OPCML: variants seen among roughly 807,000 people sequenced by gnomAD.
The protein encoded by OPCML is opioid binding protein/cell adhesion molecule like.
Under a neutral mutation model 37.8 loss-of-function variants are expected in OPCML, and 13 were observed. The ratio of observed to expected loss-of-function variants is 0.34; its 90% CI spans 0.22 to 0.55. OPCML has a LOEUF of 0.55. Among genes scored for constraint, OPCML ranks in the 20% least tolerant of loss-of-function variants. OPCML has a pLI of 0.91. For missense variants in OPCML, 341 were observed against 435.6 expected (o/e 0.78, Z 1.93); for synonymous variants, 176 against 168.8 (o/e 1.04, Z -0.33).
chr11:133,403,371 C>T (rs1409489451), intron 1 of OPCML, among the ~76,000 whole-genome samples: 1 of 152,186 alleles, frequency 6.6e-6, no homozygotes, highest in Non-Finnish European at 1.5e-5. Flanking sequence ...CACAACAGGC[C>T]ATTTGATAAA....
intron 1 of OPCML, among the ~76,000 whole-genome samples, chr11:133,449,190 T>C (rs565560960): frequency 2.6e-5 from 4 of 152,346 alleles, no homozygotes; most frequent in African/African-American, 9.6e-5. Context: ...TACCTCTCTG[T>C]AGCACTAGGA....
intron 2 of OPCML, among the ~76,000 whole-genome samples, chr11:132,905,342 A>G (rs1476134357): frequency 6.9e-6 from 1 of 145,580 alleles, no homozygotes; most frequent in Non-Finnish European, 1.5e-5. Flanking sequence ...AGCAATTCTC[A>G]TGCCTCAGCC....
chr11:132,840,366 A>G (rs1032244661), intron 2 of OPCML, among the ~76,000 whole-genome samples: 1 of 152,210 alleles, frequency 6.6e-6, no homozygotes, highest in African/African-American at 2.4e-5. Context: ...GCAGCAGCTG[A>G]CGGGGCCCCA....
At chr11:133,241,851 T>C (rs1015408224) in intron 1 of OPCML, among the ~76,000 whole-genome samples, 5 of 152,216 alleles carry the variant, frequency 3.3e-5, no homozygotes, top group African/African-American at 1.2e-4. Context: ...CTTCCACGCA[T>C]GTATTTTTCA....
At chr11:132,825,275 A>G (rs1415165491) in intron 2 of OPCML, among the ~76,000 whole-genome samples, 1 of 152,020 alleles carries the variant, frequency 6.6e-6, no homozygotes, top group African/African-American at 2.4e-5. Context: ...TAACTTCCTA[A>G]CTATATATGA....
intron 1 of OPCML, among the ~76,000 whole-genome samples, chr11:133,412,516 G>A (rs556984180): frequency 2.0e-5 from 3 of 152,304 alleles, no homozygotes; most frequent in African/African-American, 7.2e-5. Flanking sequence ...TCAACCTCAT[G>A]ATAGCTATTC....
At chr11:133,196,733 A>G (rs149658910) in intron 1 of OPCML, among the ~76,000 whole-genome samples, 1 of 152,320 alleles carries the variant, frequency 6.6e-6, no homozygotes, top group African/African-American at 2.4e-5. Context: ...CAAGTCAAAG[A>G]AAGACTAATC....
chr11:133,505,065 C>T (rs1001921662), intron 1 of OPCML, among the ~76,000 whole-genome samples: 5 of 152,178 alleles, frequency 3.3e-5, no homozygotes, highest in African/African-American at 9.7e-5. Flanking sequence ...AGCACTGAGG[C>T]GATCGCAGGC....
intron 1 of OPCML, among the ~76,000 whole-genome samples, chr11:133,424,148 A>C (rs1319793607): frequency 1.3e-5 from 2 of 152,170 alleles, no homozygotes; most frequent in Non-Finnish European, 2.9e-5. Context: ...ATCCTTATTA[A>C]CAGAAGAGAT....
chr11:132,944,537 A>C (rs1332659652), intron 1 of OPCML, among the ~76,000 whole-genome samples: 2 of 152,190 alleles, frequency 1.3e-5, no homozygotes, highest in Non-Finnish European at 2.9e-5. Flanking sequence ...TTTCTCCTTA[A>C]AACACAGCAT....
intron 1 of OPCML, among the ~76,000 whole-genome samples, chr11:133,088,995 G>C (rs1237539094): frequency 6.6e-6 from 1 of 152,194 alleles, no homozygotes; most frequent in Non-Finnish European, 1.5e-5. Flanking sequence ...AAGTAATGTA[G>C]TTTCTAGATG....
chr11:132,999,246 T>C (rs1946946481), intron 1 of OPCML, among the ~76,000 whole-genome samples: 1 of 152,052 alleles, frequency 6.6e-6, no homozygotes, highest in Admixed American at 6.5e-5. Context: ...CTCTTTCAGA[T>C]CTCACCCTCC....
chr11:132,733,150 G>A (rs879633953), intron 2 of OPCML, among the ~76,000 whole-genome samples: 4 of 151,880 alleles, frequency 2.6e-5, no homozygotes, highest in Non-Finnish European at 4.4e-5. Context: ...TTCTGGGAGC[G>A]AACATTTAAC....
At chr11:133,440,762 T>TTATATATATATATATATATATATA (rs58808691) in intron 1 of OPCML, among the ~76,000 whole-genome samples, 18 of 126,842 alleles carry the variant, frequency 1.4e-4, no homozygotes, top group African/African-American at 5.2e-4. Flanking sequence ...CCTACAGCAA[T>TTATATATATATATATATATATATA]TATATATATA....
intron 3 of OPCML, among the ~76,000 whole-genome samples, chr11:132,620,892 G>A (rs1485522824): frequency 1.3e-5 from 2 of 152,348 alleles, no homozygotes; most frequent in East Asian, 3.9e-4. Context: ...GAGGTTGGGT[G>A]CAGCAGAGGA....
intron 1 of OPCML, among the ~76,000 whole-genome samples, chr11:133,109,214 G>A (rs991067454): frequency 2.6e-5 from 4 of 152,140 alleles, no homozygotes; most frequent in East Asian, 1.9e-4. Flanking sequence ...ATGAAGCCAC[G>A]GAACTTTGCC....
rs117850712 is a variant in OPCML at position 133,459,378 on chromosome 11, G to A, written c.61+72886C>T. ...AAAATGTCAAAAAGTGTCCTTATTAGTAGTTACTTTATGTAAGTGGCTTAA... is the reference window on the plus strand; with the variant it reads ...AAAATGTCAAAAAGTGTCCTTATTAATAGTTACTTTATGTAAGTGGCTTAA... On this transcript the variant is annotated intron_variant, in intron 1 of 7. Coordinates refer to ENST00000524381, the MANE Select transcript of OPCML (RefSeq NM_001012393.5). Among the ~76,000 whole-genome samples the A allele has an allele frequency of 2.5e-3, 382 of 152,118 alleles. 3 individuals carry two copies. Among genetic ancestry groups the A allele is most frequent in the Non-Finnish European group, 2.6e-3 (178 of 67,926 alleles).
chr11:133,389,850 A>G (rs7105814), intron 1 of OPCML, among the ~76,000 whole-genome samples: 51,487 of 152,056 alleles, frequency 0.34, 9,978 homozygotes, highest in African/African-American at 0.53. Flanking sequence ...AATAATAACT[A>G]CTACTAATTG....
intron 1 of OPCML, among the ~76,000 whole-genome samples, chr11:133,018,905 A>G (rs1050838216): frequency 1.3e-5 from 2 of 152,218 alleles, no homozygotes; most frequent in Admixed American, 6.5e-5. Context: ...TGCCGCTCCC[A>G]TGAGCCACAG....
Sources: gnomAD v4.1 joint callset for allele counts (sites outside exome capture counted in the v4.1 genomes callset) on GRCh38, gnomAD v4.1.1 for gene constraint, MANE v1.5 for transcripts, NCBI Gene and HGNC (gene_info 2026-07-23, HGNC 2026-07-21) for gene names.